Variants in SAFB observed in about 807,000 individuals in gnomAD.
The protein encoded by SAFB is scaffold attachment factor B1.
A neutral mutation model predicts 101.6 loss-of-function variants in SAFB; 15 were observed. The observed-to-expected ratio is 0.15, with a 90% CI of 0.10 to 0.23. SAFB has a LOEUF of 0.23. Among genes scored for constraint, SAFB ranks in the 10% least tolerant of loss-of-function variants. The pLI is 1.00. For synonymous variants in SAFB, 449 were observed against 407.5 expected, an observed-to-expected ratio of 1.10 and a Z score of -1.23; for missense variants, 930 against 1,104.1, an observed-to-expected ratio of 0.84 and a Z score of 2.23.
intron 20 of SAFB, 41 bp from the exon 21 acceptor site, chr19:5,668,121 A>T (rs2054378259): frequency 1.3e-6 from 2 of 1,596,950 alleles, no homozygotes; most frequent in Admixed American, 1.8e-5. Context: ...GCCGGGGAGC[A>T]GGAGGACTTC....
chr19:5,644,654 G>T (rs1171378255), intron 4 of SAFB, among the ~76,000 whole-genome samples: 1 of 152,136 alleles, frequency 6.6e-6, no homozygotes, highest in African/African-American at 2.4e-5. Context: ...ATCTGAAAAC[G>T]TCTCCCCCTA....
Position 5,667,624 on chromosome 19 carries a change from G to C in SAFB, c.2557+174G>C. 1.4e-6 allele frequency: 1 copy of C among 697,652 alleles called. No homozygotes were observed. The highest frequency in any genetic ancestry group is 2.5e-6 in the Non-Finnish European group (1 of 406,078). The allele number at this position is 697,652 out of a possible 1,614,324, so 43.2% of individuals were successfully genotyped here. On this transcript the variant is annotated intron_variant, in intron 19 of 20. Transcript: ENST00000588852. This position sits in a 1 kb window ranked among gnomAD's most constrained non-coding sequence, Gnocchi z 4.0. ...CTCTGGTGGTCTGGCCCAGGAGTTGGACAGTGGGCGTTCCCGAGTTCTCTC... is the reference window on the plus strand; with the variant it reads ...CTCTGGTGGTCTGGCCCAGGAGTTGCACAGTGGGCGTTCCCGAGTTCTCTC...
At chr19:5,634,419 G>A (rs2053553740) in intron 2 of SAFB, among the ~76,000 whole-genome samples, 1 of 151,976 alleles carries the variant, frequency 6.6e-6, no homozygotes, top group African/African-American at 2.4e-5. Flanking sequence ...ATTTGATGGT[G>A]GGGGAAAGCT....
chr19:5,638,303 A>G (rs996313781), intron 2 of SAFB, among the ~76,000 whole-genome samples: 8 of 152,078 alleles, frequency 5.3e-5, no homozygotes, highest in Non-Finnish European at 1.2e-4. Context: ...CACATTTTTT[A>G]AAATTACTAA....
chr19:5,630,489 G>A (rs779059133), intron 2 of SAFB, among the ~76,000 whole-genome samples: 1 of 152,098 alleles, frequency 6.6e-6, no homozygotes, highest in Non-Finnish European at 1.5e-5. Context: ...TGACTGTAAG[G>A]CCAGGTGCGG....
chr19:5,647,873 C>T lies in SAFB; in HGVS notation c.610-143C>T. The T allele has an allele frequency of 4.0e-6, 3 of 747,532 alleles. No individual in the cohort carries two copies. The South Asian group carries it at 4.6e-5, about 11-fold the overall frequency. 46.3% of individuals were successfully genotyped at this position (747,532 alleles called of 1,614,324 possible). ...CAGTCTTATGGAGCCATTCCTAGAACAAGCAGGTTCTCCACCTCTTGAGTT... is the reference window on the plus strand; with the variant it reads ...CAGTCTTATGGAGCCATTCCTAGAATAAGCAGGTTCTCCACCTCTTGAGTT... On this transcript the variant is annotated intron_variant, in intron 5 of 20. Transcript: ENST00000588852.
In SAFB at chr19:5,626,455, G is replaced by A. The variant is rs750465825; in HGVS notation, c.240G>A (p.Glu80=). 1 of 1,610,254 alleles carries A rather than the reference G, an allele frequency of 6.2e-7. No individual in the cohort carries two copies. Among genetic ancestry groups the A allele is most frequent in the Admixed American group, 1.7e-5 (1 of 60,004 alleles). The change falls in exon 2 of 21, where the codon GAG becomes GAA. Residue 80 remains glutamate (E), a synonymous_variant. Coordinates refer to ENST00000588852, the MANE Select transcript of SAFB (RefSeq NM_001201338.2). ...CTGACGAAATTGAAATTACCTCCGA[G>A]GGAAACAAGAAAACATCAAAGAGGT... The part of the protein sequence containing the change: ...GNPDEIEITS[E]GNKKTSKRSS...
At chr19:5,627,415 C>A (rs1228726010) in intron 2 of SAFB, among the ~76,000 whole-genome samples, 1 of 152,128 alleles carries the variant, frequency 6.6e-6, no homozygotes, top group Non-Finnish European at 1.5e-5. Flanking sequence ...TTGCACTGAG[C>A]TATCATGGCA....
At chr19:5,642,554 T>G (rs2053740269) in intron 4 of SAFB, among the ~76,000 whole-genome samples, 1 of 152,050 alleles carries the variant, frequency 6.6e-6, no homozygotes, top group African/African-American at 2.4e-5. Context: ...ACCTAAATTT[T>G]TTTCCTGTTA....
At chr19:5,663,859 G>A (rs980926093) in intron 15 of SAFB, among the ~76,000 whole-genome samples, 163 bp from the exon 16 acceptor site, 2 of 152,208 alleles carry the variant, frequency 1.3e-5, no homozygotes, top group African/African-American at 4.8e-5. Context: ...CAAAACAACT[G>A]TGCAGTCACT....
chr19:5,662,721 A>G (rs2054242697), intron 15 of SAFB, among the ~76,000 whole-genome samples: 5 of 142,370 alleles, frequency 3.5e-5, no homozygotes, highest in East Asian at 4.3e-4. Flanking sequence ...GCTCACTGCA[A>G]CCTCCACCTC....
chr19:5,644,439 C>A (rs538027949), intron 4 of SAFB, among the ~76,000 whole-genome samples: 4 of 152,186 alleles, frequency 2.6e-5, no homozygotes, highest in East Asian at 3.8e-4. Context: ...TGATGTGCTG[C>A]CCCTGGTGCA....
At chr19:5,626,526 G>A (rs1441012280) in intron 2 of SAFB, 37 bp downstream of exon 2, 1 of 1,250,418 alleles carries the variant, frequency 8.0e-7, no homozygotes, top group South Asian at 1.2e-5. Context: ...CATGTTAAGT[G>A]CTTTCTTCAA....
intron 17 of SAFB, chr19:5,666,725 A>T (rs1439336017): frequency 9.9e-6 from 4 of 404,862 alleles, no homozygotes; most frequent in South Asian, 2.9e-5. Context: ...GAGCTGTGGG[A>T]CCCAGGGAAT....
intron 14 of SAFB, among the ~76,000 whole-genome samples, chr19:5,658,477 G>C (rs2054115806): frequency 6.6e-6 from 1 of 152,136 alleles, no homozygotes; most frequent in Non-Finnish European, 1.5e-5. Flanking sequence ...TGGATCACCT[G>C]AGGTCAGGAG....
intron 14 of SAFB, among the ~76,000 whole-genome samples, 168 bp downstream of exon 14, chr19:5,657,515 CTCTTTTCTTT>C (rs1164884497): frequency 3.9e-5 from 6 of 152,122 alleles, no homozygotes; most frequent in Non-Finnish European, 7.4e-5. Context: ...CATCCTACGG[CTCTTTTCTTT>C]TCTTTTCTTT....
chr19:5,638,833 T>C (rs1240651233), intron 2 of SAFB, among the ~76,000 whole-genome samples: 1 of 151,418 alleles, frequency 6.6e-6, no homozygotes, highest in East Asian at 2.0e-4. Context: ...GCGATTCTCC[T>C]GCCTCATCCT....
intron 2 of SAFB, among the ~76,000 whole-genome samples, chr19:5,633,806 G>C (rs2053541479): frequency 6.6e-6 from 1 of 151,768 alleles, no homozygotes; most frequent in Admixed American, 6.6e-5. Flanking sequence ...AAAGAAACCA[G>C]GGTCTTGGAA....
chr19:5,641,717 G>A, intron 3 of SAFB, 23 bp from the exon 4 acceptor site: 1 of 1,613,738 alleles, frequency 6.2e-7, no homozygotes, highest in Non-Finnish European at 8.5e-7. Context: ...GTCACATGAT[G>A]GTTCGGTCTG....
Sources: allele counts gnomAD v4.1 joint callset (sites outside exome capture counted in the v4.1 genomes callset), GRCh38; gene constraint gnomAD v4.1.1; non-coding constraint Gnocchi (gnomAD v3.1); transcripts MANE v1.5; gene names NCBI Gene and HGNC (gene_info 2026-07-23, HGNC 2026-07-21).